RBFOX1: variants seen among roughly 807,000 people sequenced by gnomAD.
The protein encoded by RBFOX1 is RNA binding fox-1 homolog 1.
A neutral mutation model predicts 57.7 loss-of-function variants in RBFOX1; 8 were observed. The ratio of observed to expected loss-of-function variants is 0.14; its 90% CI spans 0.08 to 0.25. The LOEUF is 0.25. Among genes scored for constraint, RBFOX1 ranks in the 10% least tolerant of loss-of-function variants. The pLI is 1.00. For synonymous variants in RBFOX1, 326 were observed against 222.4 expected, an observed-to-expected ratio of 1.47 and a Z score of -4.15; for missense variants, 611 against 548.5, an observed-to-expected ratio of 1.11 and a Z score of -1.14.
intron 1 of RBFOX1, among the ~76,000 whole-genome samples, chr16:6,142,820 T>C (rs1317961880): frequency 1.3e-5 from 2 of 152,196 alleles, no homozygotes; most frequent in African/African-American, 2.4e-5. Context: ...GTCCATCTCC[T>C]TTTTGTTTGT....
chr16:6,564,074 C>T (rs866958940), intron 2 of RBFOX1, among the ~76,000 whole-genome samples: 12 of 152,078 alleles, frequency 7.9e-5, no homozygotes, highest in Middle Eastern at 3.2e-3. Flanking sequence ...CCAACCTTAA[C>T]CTCACAATCA....
intron 4 of RBFOX1, among the ~76,000 whole-genome samples, chr16:7,225,905 A>AATCAATATATATATATATATATAT (rs1555600462): frequency 3.2e-5 from 3 of 93,752 alleles, no homozygotes; most frequent in African/African-American, 1.4e-4. Context: ...AAGTATAATA[A>AATCAATATATATATATATATATAT]ATATATATAT....
At chr16:7,174,824 T>C (rs2081344581) in intron 4 of RBFOX1, among the ~76,000 whole-genome samples, 1 of 152,126 alleles carries the variant, frequency 6.6e-6, no homozygotes, top group African/African-American at 2.4e-5. Flanking sequence ...AAAGTATTTT[T>C]CCAAAGCGGT....
chr16:6,625,201 A>G (rs2098287023), intron 2 of RBFOX1, among the ~76,000 whole-genome samples: 1 of 143,946 alleles, frequency 6.9e-6, no homozygotes, highest in South Asian at 2.3e-4. Context: ...TCTGGTGGAT[A>G]GTGGGGGAGT....
intron 4 of RBFOX1, among the ~76,000 whole-genome samples, chr16:7,487,632 T>C (rs2065771394): frequency 1.3e-5 from 2 of 152,286 alleles, no homozygotes; most frequent in East Asian, 1.9e-4. Flanking sequence ...CACCTGTTCA[T>C]ATACATATAG....
At chr16:5,504,629 C>A (rs962952174) in intron 2 of RBFOX1, among the ~76,000 whole-genome samples, 40 of 152,224 alleles carry the variant, frequency 2.6e-4, no homozygotes, top group African/African-American at 9.4e-4. Flanking sequence ...AAACCAGGCA[C>A]AAGCACACAA....
chr16:6,344,340 C>T (rs1332768235), intron 2 of RBFOX1, among the ~76,000 whole-genome samples: 1 of 151,848 alleles, frequency 6.6e-6, no homozygotes, highest in Non-Finnish European at 1.5e-5. Flanking sequence ...CATGAGCCAC[C>T]ATGCCCGGCC....
intron 4 of RBFOX1, among the ~76,000 whole-genome samples, chr16:7,291,403 A>G (rs2095770361): frequency 6.6e-6 from 1 of 152,214 alleles, no homozygotes; most frequent in Non-Finnish European, 1.5e-5. Context: ...AATCTAGGCT[A>G]AATAAAATAA....
rs189564517 is a variant in RBFOX1 at position 5,828,415 on chromosome 16, A to G, written c.319-38888A>G. On this transcript the variant is annotated intron_variant, in intron 3 of 19. Coordinates refer to the RBFOX1 transcript ENST00000641259. ...TCTTAATCTAGAAATAAAGGATGAAAAAAATGCAACCACCGGGCTCACGCC... is the reference window on the plus strand; with the variant it reads ...TCTTAATCTAGAAATAAAGGATGAAGAAAATGCAACCACCGGGCTCACGCC... 2.5e-3 allele frequency among the ~76,000 whole-genome samples: 381 copies of G among 152,268 alleles called. 2 individuals are homozygous for G. The highest frequency in any genetic ancestry group is 8.8e-3 in the African/African-American group (366 of 41,556).
intron 3 of RBFOX1, among the ~76,000 whole-genome samples, chr16:7,034,841 CTTTTTTCTTT>C (rs2043873801): frequency 2.6e-5 from 1 of 39,160 alleles, no homozygotes; most frequent in African/African-American, 1.2e-4. Flanking sequence ...TTTTTTTTTT[CTTTTTTCTTT>C]TTTTTTTTTT....
At chr16:5,697,517 T>C (rs994951032) in intron 3 of RBFOX1, among the ~76,000 whole-genome samples, 6 of 141,244 alleles carry the variant, frequency 4.2e-5, no homozygotes, top group African/African-American at 1.5e-4. Flanking sequence ...GTTGTGGGCT[T>C]TTCTTTTCTT....
intron 4 of RBFOX1, among the ~76,000 whole-genome samples, chr16:7,492,459 A>T (rs2067238742): frequency 6.6e-6 from 1 of 152,028 alleles, no homozygotes; most frequent in South Asian, 2.1e-4. Context: ...GCATAATGAG[A>T]GCTGCCTGTC....
chr16:5,749,115 C>G (rs1262827587), intron 3 of RBFOX1, among the ~76,000 whole-genome samples: 1 of 152,124 alleles, frequency 6.6e-6, no homozygotes, highest in African/African-American at 2.4e-5. Flanking sequence ...GATTTTATTT[C>G]TCTTTCACTT....
chr16:6,669,452 A>G (rs2098751164), intron 3 of RBFOX1, among the ~76,000 whole-genome samples: 1 of 152,182 alleles, frequency 6.6e-6, no homozygotes, highest in South Asian at 2.1e-4. Flanking sequence ...TTTGCAGATC[A>G]ACCAGAGGTT....
At chr16:5,791,174 T>A (rs1359713617) in intron 3 of RBFOX1, among the ~76,000 whole-genome samples, 1 of 152,126 alleles carries the variant, frequency 6.6e-6, no homozygotes, top group East Asian at 1.9e-4. Context: ...GGCTTTTTTA[T>A]TTTAATTTGT....
intron 1 of RBFOX1, among the ~76,000 whole-genome samples, chr16:5,389,426 C>G (rs991820102): frequency 6.6e-6 from 1 of 152,080 alleles, no homozygotes; most frequent in Admixed American, 6.5e-5. Context: ...CCTCCAACCA[C>G]TTGATGCAAA....
intron 2 of RBFOX1, among the ~76,000 whole-genome samples, chr16:6,508,292 A>T (rs770518405): frequency 2.6e-5 from 4 of 152,160 alleles, no homozygotes; most frequent in Admixed American, 2.6e-4. Context: ...GTGATGGAAT[A>T]ATCTGTACAA....
chr16:6,675,470 G>T (rs1466748264), intron 3 of RBFOX1, among the ~76,000 whole-genome samples: 1 of 152,236 alleles, frequency 6.6e-6, no homozygotes, highest in African/African-American at 2.4e-5. Context: ...GACAAATTTA[G>T]TGACAAAGCC....
intron 4 of RBFOX1, among the ~76,000 whole-genome samples, chr16:7,281,792 C>T (rs1480195511): frequency 6.6e-6 from 1 of 152,124 alleles, no homozygotes; most frequent in Admixed American, 6.5e-5. Flanking sequence ...TTGACTTCCT[C>T]TCTGCAGACC....
Sources: gnomAD v4.1 joint callset for allele counts (sites outside exome capture counted in the v4.1 genomes callset) on GRCh38, gnomAD v4.1.1 for gene constraint, MANE v1.5 for transcripts, NCBI Gene and HGNC (gene_info 2026-07-23, HGNC 2026-07-21) for gene names.